CCSER1: variants seen among roughly 807,000 people sequenced by gnomAD.
CCSER1 encodes coiled-coil serine rich protein 1, also known as serine-rich coiled-coil domain-containing protein 1.
In CCSER1, 41 loss-of-function variants were observed where a neutral mutation model predicts 82.0. The observed-to-expected ratio is 0.50, with a 90% CI of 0.39 to 0.65. CCSER1 has a LOEUF of 0.65. CCSER1 is among the 30% of genes least tolerant of loss of function. CCSER1 has a pLI of 0.00. For synonymous variants in CCSER1, 414 were observed against 383.9 expected (o/e 1.08, Z -0.92); for missense variants, 1,119 against 1,064.2 (o/e 1.05, Z -0.72).
At chr4:90,304,306 C>T (rs1020545831) in intron 1 of CCSER1, among the ~76,000 whole-genome samples, 14 of 152,072 alleles carry the variant, frequency 9.2e-5, no homozygotes, top group African/African-American at 2.9e-4. Context: ...GGGTATATAC[C>T]CAAAGGACTG....
At chr4:91,547,136 G>A (rs920777019) in intron 10 of CCSER1, among the ~76,000 whole-genome samples, 3 of 151,820 alleles carry the variant, frequency 2.0e-5, no homozygotes, top group Non-Finnish European at 4.4e-5. Flanking sequence ...AATTTGTTAA[G>A]GTGTGTTTTA....
intron 1 of CCSER1, among the ~76,000 whole-genome samples, chr4:90,304,918 T>G (rs1242286414): frequency 6.6e-6 from 1 of 151,706 alleles, no homozygotes; most frequent in Non-Finnish European, 1.5e-5. Context: ...TTGTTGGTGT[T>G]TTTTATTTTT....
chr4:90,776,446 T>G (rs1752903304), intron 7 of CCSER1, among the ~76,000 whole-genome samples: 1 of 152,230 alleles, frequency 6.6e-6, no homozygotes, highest in African/African-American at 2.4e-5. Context: ...GACCTTGTTT[T>G]GAACACAAAT....
intron 5 of CCSER1, among the ~76,000 whole-genome samples, chr4:90,624,256 G>A (rs1385159737): frequency 6.6e-6 from 1 of 152,088 alleles, no homozygotes; most frequent in African/African-American, 2.4e-5. Flanking sequence ...CAGATAATGG[G>A]ATCAATGCTA....
At position 90,853,627 on chromosome 4, in the gene CCSER1, ATTTT is replaced by A. The variant is rs560329148; in HGVS notation, c.2094+37785_2094+37788del. ...TAAGCCAATACTTTTAAAGACCAGT[ATTTT>A]TTATTTATTACAATTAAAACAACTT... On this transcript the variant is annotated intron_variant, in intron 8 of 10. Coordinates refer to ENST00000509176, the MANE Select transcript of CCSER1 (RefSeq NM_001145065.2). 1.7e-3 allele frequency among the ~76,000 whole-genome samples: 261 copies of A among 152,254 alleles called. 1 individual carries two copies. The highest frequency in any genetic ancestry group is 6.1e-3 in the African/African-American group (253 of 41,566).
intron 1 of CCSER1, among the ~76,000 whole-genome samples, chr4:90,134,397 A>T (rs1404749676): frequency 6.6e-6 from 1 of 152,158 alleles, no homozygotes; most frequent in African/African-American, 2.4e-5. Flanking sequence ...GGACTTGGAG[A>T]TGGAGGACCT....
chr4:90,388,860 T>C (rs1750517852), intron 3 of CCSER1, among the ~76,000 whole-genome samples: 1 of 151,936 alleles, frequency 6.6e-6, no homozygotes, highest in South Asian at 2.1e-4. Context: ...GGTCTTGAAC[T>C]CCTGACCTCA....
intron 9 of CCSER1, among the ~76,000 whole-genome samples, chr4:91,003,486 G>A (rs1048959141): frequency 2.0e-5 from 3 of 152,084 alleles, no homozygotes; most frequent in Non-Finnish European, 4.4e-5. Flanking sequence ...GTGTCATGAA[G>A]GTTGTCAGGG....
At chr4:90,365,637 A>G (rs568823652) in intron 3 of CCSER1, among the ~76,000 whole-genome samples, 1 of 151,954 alleles carries the variant, frequency 6.6e-6, no homozygotes, top group East Asian at 1.9e-4. Flanking sequence ...GGACAAGACA[A>G]TCCTTTGAAT....
At chr4:90,591,757 A>G (rs1218349282) in intron 5 of CCSER1, among the ~76,000 whole-genome samples, 2 of 152,170 alleles carry the variant, frequency 1.3e-5, no homozygotes, top group Non-Finnish European at 2.9e-5. Flanking sequence ...GAACACTATT[A>G]ACAATATCAA....
chr4:90,721,401 T>G (rs1447975119), intron 6 of CCSER1, among the ~76,000 whole-genome samples: 1 of 151,878 alleles, frequency 6.6e-6, no homozygotes, highest in Non-Finnish European at 1.5e-5. Flanking sequence ...GGAGATTTAT[T>G]CTGTTGAGAT....
intron 8 of CCSER1, among the ~76,000 whole-genome samples, chr4:90,885,504 T>G (rs1190235423): frequency 6.6e-6 from 1 of 152,184 alleles, no homozygotes; most frequent in East Asian, 1.9e-4. Context: ...GGGCAATTTA[T>G]TTGGAAGTAC....
chr4:90,328,662 A>T (rs1167241974), intron 3 of CCSER1, among the ~76,000 whole-genome samples: 1 of 152,182 alleles, frequency 6.6e-6, no homozygotes, highest in Non-Finnish European at 1.5e-5. Context: ...AATCCAGGAA[A>T]CTTGGCAACC....
At chr4:90,156,938 C>A (rs1728335377) in intron 1 of CCSER1, among the ~76,000 whole-genome samples, 2 of 152,104 alleles carry the variant, frequency 1.3e-5, no homozygotes, top group African/African-American at 4.8e-5. Context: ...GGTTATTTTG[C>A]TCGTTAGTTC....
intron 3 of CCSER1, among the ~76,000 whole-genome samples, chr4:90,329,862 C>T (rs953451973): frequency 6.6e-6 from 1 of 151,928 alleles, no homozygotes. Flanking sequence ...TTTTTTATTT[C>T]TTAAATAAAT....
intron 3 of CCSER1, among the ~76,000 whole-genome samples, chr4:90,365,511 A>AT (rs1746134503): frequency 6.6e-6 from 1 of 151,898 alleles, no homozygotes; most frequent in Admixed American, 6.6e-5. Context: ...AAACAATTGT[A>AT]TGTACATAGG....
At chr4:91,554,339 A>G (rs535795329) in intron 10 of CCSER1, among the ~76,000 whole-genome samples, 4 of 151,428 alleles carry the variant, frequency 2.6e-5, no homozygotes, top group African/African-American at 9.7e-5. Context: ...ACAGGCTTGA[A>G]AAGAATGTAT....
At chr4:91,232,499 A>G (rs1273535161) in intron 10 of CCSER1, among the ~76,000 whole-genome samples, 1 of 151,846 alleles carries the variant, frequency 6.6e-6, no homozygotes, top group African/African-American at 2.4e-5. Context: ...TCATTTGGAT[A>G]GAAAGTAAAC....
At chr4:90,444,813 G>A (rs1760406908) in intron 4 of CCSER1, among the ~76,000 whole-genome samples, 8 of 151,842 alleles carry the variant, frequency 5.3e-5, no homozygotes, top group Admixed American at 3.9e-4. Flanking sequence ...GAAAAATTAC[G>A]GGCAACTATA....
Sources: allele counts gnomAD v4.1 joint callset (sites outside exome capture counted in the v4.1 genomes callset), GRCh38; gene constraint gnomAD v4.1.1; transcripts MANE v1.5; gene names NCBI Gene and HGNC (gene_info 2026-07-23, HGNC 2026-07-21).